Variants in PKN2 observed in about 807,000 individuals in gnomAD.
The protein encoded by PKN2 is serine/threonine-protein kinase N2.
PKN2 carries 38 observed loss-of-function variants against 119.1 expected under a neutral mutation model. The observed-to-expected ratio is 0.32, with a 90% confidence interval of 0.25 to 0.42. PKN2 has a LOEUF of 0.42. Ranked by LOEUF, PKN2 falls within the 10% of genes least tolerant of loss-of-function variation. The probability of loss-of-function intolerance (pLI) is 1.00; values close to 1 mark genes in which losing one functional copy is unlikely to be tolerated. For missense variants in PKN2, 850 were observed against 1,165.1 expected (o/e 0.73, Z 3.94); for synonymous variants, 390 against 384.9 (o/e 1.01, Z -0.15).
At chr1:88,816,332 T>C (rs1671992130) in intron 16 of PKN2, among the ~76,000 whole-genome samples, 1 of 152,054 alleles carries the variant, frequency 6.6e-6, no homozygotes, top group Non-Finnish European at 1.5e-5. Context: ...CTACAACCTC[T>C]GCCACACAGG....
chr1:88,792,601 A>G (rs1393124970), intron 8 of PKN2, among the ~76,000 whole-genome samples: 2 of 152,198 alleles, frequency 1.3e-5, no homozygotes, highest in African/African-American at 4.8e-5. Context: ...CTAATAGTCT[A>G]CTGTGGACCA....
chr1:88,723,596 A>AT (rs1391941374), intron 1 of PKN2, among the ~76,000 whole-genome samples: 24 of 151,946 alleles, frequency 1.6e-4, no homozygotes, highest in Admixed American at 1.6e-3. Flanking sequence ...TAATTCTTGT[A>AT]TTTTTTAGTA....
At chr1:88,778,019 T>C (rs1227168920) in intron 6 of PKN2, among the ~76,000 whole-genome samples, 1 of 152,182 alleles carries the variant, frequency 6.6e-6, no homozygotes, top group Non-Finnish European at 1.5e-5. Flanking sequence ...ATAAACTCTT[T>C]CTACCAGTTG....
At chr1:88,799,381 T>C (rs1387527379) in intron 8 of PKN2, among the ~76,000 whole-genome samples, 1 of 152,236 alleles carries the variant, frequency 6.6e-6, no homozygotes, top group Admixed American at 6.5e-5. Flanking sequence ...TCACTCTCAT[T>C]GGACTGCTGA....
chr1:88,765,988 T>A (rs1346902805), intron 3 of PKN2, among the ~76,000 whole-genome samples: 2 of 152,164 alleles, frequency 1.3e-5, no homozygotes, highest in Non-Finnish European at 2.9e-5. Context: ...ATTTTTTGTA[T>A]TTTTGGTAGA....
intron 1 of PKN2, among the ~76,000 whole-genome samples, chr1:88,731,357 T>C (rs12406369): frequency 0.11 from 16,988 of 152,210 alleles, 1,970 homozygotes; most frequent in African/African-American, 0.3. Context: ...TGTGTTCTGC[T>C]AATATCCCTG....
intron 15 of PKN2, among the ~76,000 whole-genome samples, chr1:88,810,524 T>G (rs1671739651): frequency 1.3e-5 from 2 of 152,198 alleles, no homozygotes; most frequent in African/African-American, 4.8e-5. Flanking sequence ...TTTTAAATAT[T>G]TACTTTCCAC....
At chr1:88,766,534 G>A (rs1013465645) in intron 3 of PKN2, among the ~76,000 whole-genome samples, 2 of 152,092 alleles carry the variant, frequency 1.3e-5, no homozygotes, top group African/African-American at 4.8e-5. Context: ...ACAATTACCA[G>A]CATTATAGAG....
chr1:88,768,998 C>CTGCTTTTGAACA (rs747491524), intron 3 of PKN2, among the ~76,000 whole-genome samples: 1,783 of 152,232 alleles, frequency 0.012, 26 homozygotes, highest in Non-Finnish European at 0.014. Flanking sequence ...AACAGCTCAA[C>CTGCTTTTGAACA]AACCAGCGTG....
At chr1:88,780,800 A>G (rs1670306131) in intron 6 of PKN2, among the ~76,000 whole-genome samples, 1 of 152,150 alleles carries the variant, frequency 6.6e-6, no homozygotes, top group African/African-American at 2.4e-5. Flanking sequence ...TTTCTGAATG[A>G]TCCATTGATT....
rs1672920045 is a variant in PKN2 at position 88,835,762 on chromosome 1, T to C, written c.*2314T>C. The C allele has an allele frequency of 6.6e-6, 1 of 152,544 alleles. No individual in the cohort carries two copies. The allele number at this position is 152,544 out of a possible 1,614,324, so 9.4% of individuals were successfully genotyped here. ...AAGTGTTTTTTGCAGTCATAAATTA[T>C]CACAAATGCACAAATTAAAGTCTAT... On this transcript the variant is annotated 3_prime_UTR_variant, in exon 22 of 22. Transcript: ENST00000370521.
At chr1:88,796,869 C>G (rs1671089131) in intron 8 of PKN2, among the ~76,000 whole-genome samples, 1 of 151,488 alleles carries the variant, frequency 6.6e-6, no homozygotes, top group African/African-American at 2.4e-5. Flanking sequence ...TACATATTCA[C>G]TAAGTATTAA....
At chr1:88,684,723 G>C (rs946920101) in intron 1 of PKN2, 95 bp downstream of exon 1, 3 of 1,096,020 alleles carry the variant, frequency 2.7e-6, no homozygotes, top group Non-Finnish European at 3.7e-6. Context: ...TGCGGCCGCC[G>C]CGCCCCTAGC....
intron 6 of PKN2, among the ~76,000 whole-genome samples, chr1:88,784,267 G>A (rs1446415790): frequency 6.6e-6 from 1 of 151,116 alleles, no homozygotes. Context: ...GGGACTACAG[G>A]CGCACACCGC....
At chr1:88,752,487 T>TGA (rs1669042040) in intron 2 of PKN2, among the ~76,000 whole-genome samples, 1 of 152,148 alleles carries the variant, frequency 6.6e-6, no homozygotes, top group Non-Finnish European at 1.5e-5. Flanking sequence ...GATTTGTAAT[T>TGA]GTGCTGGAAC....
chr1:88,688,778 C>T (rs1666214440), intron 1 of PKN2, among the ~76,000 whole-genome samples: 1 of 152,204 alleles, frequency 6.6e-6, no homozygotes, highest in Admixed American at 6.5e-5. Context: ...TGTAACCTAG[C>T]TCTGTGTTTG....
intron 16 of PKN2, among the ~76,000 whole-genome samples, chr1:88,816,435 C>T (rs1570674713): frequency 6.6e-6 from 1 of 150,802 alleles, no homozygotes; most frequent in African/African-American, 2.5e-5. Context: ...TTAGTAGAGA[C>T]GGGGTTTCAC....
At chr1:88,728,129 T>TG (rs1021155358) in intron 1 of PKN2, among the ~76,000 whole-genome samples, 5 of 151,584 alleles carry the variant, frequency 3.3e-5, no homozygotes. Context: ...CCTCAAGACC[T>TG]GAAGTTCCTA....
At chr1:88,695,537 T>C (rs1666508310) in intron 1 of PKN2, among the ~76,000 whole-genome samples, 1 of 152,212 alleles carries the variant, frequency 6.6e-6, no homozygotes, top group African/African-American at 2.4e-5. Flanking sequence ...AAACTTTTTA[T>C]GTTGTTTTCT....
Sources: allele counts gnomAD v4.1 joint callset (sites outside exome capture counted in the v4.1 genomes callset), GRCh38; gene constraint gnomAD v4.1.1; transcripts MANE v1.5; gene names NCBI Gene and HGNC (gene_info 2026-07-23, HGNC 2026-07-21).